MOV10: variants seen among roughly 807,000 people sequenced by gnomAD.
The protein encoded by MOV10 is RNA helicase MOV-10.
Under a neutral mutation model 108.4 loss-of-function variants are expected in MOV10, and 39 were observed. The ratio of observed to expected loss-of-function variants is 0.36; its 90% CI spans 0.28 to 0.47. The LOEUF is 0.47. Ranked by LOEUF, MOV10 falls within the 20% of genes least tolerant of loss-of-function variation. The pLI, the probability that MOV10 is intolerant of heterozygous loss-of-function variation, is 1.00. For missense variants in MOV10, 952 were observed against 1,297.6 expected, an observed-to-expected ratio of 0.73 and a Z score of 4.09; for synonymous variants, 490 against 523.1, an observed-to-expected ratio of 0.94 and a Z score of 0.86.
At chr1:112,685,791 A>T (rs1018212348) in intron 2 of MOV10, among the ~76,000 whole-genome samples, 1 of 152,228 alleles carries the variant, frequency 6.6e-6, no homozygotes, top group Admixed American at 6.5e-5. Flanking sequence ...TAATTTTTGT[A>T]TGACTGTTAC....
At chr1:112,674,607 A>G (rs1468708845), upstream of MOV10, 5 of 249,460 alleles carry the variant, frequency 2.0e-5, no homozygotes, top group Non-Finnish European at 3.8e-5. Flanking sequence ...GATACTGGCT[A>G]GAAGCCAGGG....
At position 112,689,050 on chromosome 1, in the gene MOV10, G is replaced by A. The variant is rs748662950; in HGVS notation, c.253G>A (p.Val85Met). 4.3e-6 allele frequency: 7 copies of A among 1,612,618 alleles called. No homozygotes were observed. Among genetic ancestry groups the A allele is most frequent in the East Asian group, 2.2e-5 (1 of 44,874 alleles). ...CTTCAGACTCGACCGCTGGGCCGACGTGCGGTTCCCAGAAAAGAGGAGAAT... is the reference window on the plus strand; with the variant it reads ...CTTCAGACTCGACCGCTGGGCCGACATGCGGTTCCCAGAAAAGAGGAGAAT... ...RFFRLDRWADVRFPEKRRMKL... is the reference protein window; with the variant it reads ...RFFRLDRWADMRFPEKRRMKL... Residue 85 changes from valine to methionine, a missense_variant, in exon 3 of 21, where the codon GTG becomes ATG. Physicochemically the swap from Val to Met is conservative, Grantham distance 21. This residue lies in a region of MOV10 where 374 missense variants were observed against 468.6 expected (regional missense o/e 0.80). Coordinates refer to ENST00000369645, the MANE Select transcript of MOV10 (RefSeq NM_001321324.2).
chr1:112,699,935 C>T lies in MOV10; in HGVS notation c.2751C>T (p.Ile917=), dbSNP rs1359891596. 2.5e-6 allele frequency: 4 copies of T among 1,614,186 alleles called. No individual in the cohort carries two copies. The highest frequency in any genetic ancestry group is 3.4e-6 in the Non-Finnish European group (4 of 1,180,034). Reference sequence around the variant, plus strand: ...TGACCCGGGCCAAGGCCCTGCTCATCATCGTGGGGAACCCCCTTCTCCTGG... The same window carrying T: ...TGACCCGGGCCAAGGCCCTGCTCATTATCGTGGGGAACCCCCTTCTCCTGG... ...VAVTRAKALL[I]IVGNPLLLGH... The change falls in exon 19 of 21, where the codon ATC becomes ATT. Residue 917 remains isoleucine, a synonymous_variant. Coordinates refer to ENST00000369645, the MANE Select transcript of MOV10 (RefSeq NM_001321324.2).
At position 112,689,397 on chromosome 1, in the gene MOV10, G is replaced by GA; in HGVS notation, c.342-17dup. 1.6e-6 allele frequency: 1 copy of GA among 615,496 alleles called. No homozygotes were observed. Among genetic ancestry groups the GA allele is most frequent in the Non-Finnish European group, 2.9e-6 (1 of 342,266 alleles). The allele number at this position is 615,496 out of a possible 1,614,324, so 38.1% of individuals were successfully genotyped here. A position where few individuals can be genotyped will look rare whatever the true frequency, so the allele number is the denominator to read the frequency against. On this transcript the variant is annotated splice_polypyrimidine_tract_variant and intron_variant, in intron 3 of 20. Transcript: ENST00000369645. ...ACCGCTCCCACCCCAACCCCCCCTT[G>GA]ACTCCCCTTCTCCCCAGGGCTGAGT...
rs751538343 is a variant in MOV10, at chr1:112,695,462, CCAACT to C, written c.1670_1674del (p.Asn557ArgfsTer3). 6.2e-7 allele frequency: 1 copy of C among 1,614,234 alleles called. No homozygotes were observed. Among genetic ancestry groups the C allele is most frequent in the South Asian group, 1.1e-5 (1 of 91,086 alleles). On this transcript the variant is annotated frameshift_variant, in exon 11 of 21. Transcript: ENST00000369645. LOFTEE classifies it high-confidence loss of function. ...GCCCACATCTTGGCCTGCGCTCCAT[CCAACT>C]CAGGGGCTGACCTACTCTGTCAAAG...
rs778316862 is a variant in MOV10 at position 112,694,567 on chromosome 1, G to T, written c.1410G>T (p.Trp470Cys). 6.2e-7 allele frequency: 1 copy of T among 1,613,836 alleles called. No homozygotes were observed. The highest frequency in any genetic ancestry group is 8.5e-7 in the Non-Finnish European group (1 of 1,179,840). ...AGCTGACAGGGCGCTGGCTGCTGTG[G>T]CCCATGCTCTTTCCTGTGGCACCTC... ...ALELTGRWLL[W>C]PMLFPVAPRD... Residue 470 changes from tryptophan to cysteine, a missense_variant, in exon 9 of 21, where the codon TGG becomes TGT. Coordinates refer to ENST00000369645, the MANE Select transcript of MOV10 (RefSeq NM_001321324.2). The surrounding 1 kb of genome is among the most constrained non-coding windows in gnomAD (Gnocchi z 4.1).
chr1:112,686,774 G>A (rs1405750050), intron 2 of MOV10, among the ~76,000 whole-genome samples: 1 of 152,154 alleles, frequency 6.6e-6, no homozygotes, highest in Non-Finnish European at 1.5e-5. Context: ...GGGGATCCTA[G>A]ACTCATCCCT....
In MOV10 at chr1:112,690,584, TC is replaced by T. The variant is rs1330021250; in HGVS notation, c.836+488del. Reference sequence around the variant, plus strand: ...CATGTTGGCCAGGCTGGTCTCGAACTCCTGACCTCAAGTGATCCGCCAGCCT... The same window carrying T: ...CATGTTGGCCAGGCTGGTCTCGAACTCTGACCTCAAGTGATCCGCCAGCCT... On this transcript the variant is annotated intron_variant, in intron 5 of 20. Transcript: ENST00000369645. 3.9e-5 allele frequency among the ~76,000 whole-genome samples: 6 copies of T among 152,248 alleles called. No homozygotes were observed. In the South Asian group the frequency reaches 1.2e-3, roughly 32 times the overall value.
chr1:112,684,984 T>C (rs1672958869), intron 2 of MOV10: 1 of 152,144 alleles, frequency 6.6e-6, no homozygotes, highest in African/African-American at 2.4e-5. Context: ...TATTACCTTT[T>C]GCTAGAGAAA....
At position 112,689,397 on chromosome 1, in the gene MOV10, G is replaced by GAAACCCCAAA; in HGVS notation, c.342-17_342-16insAACCCCAAAA. ...ACCGCTCCCACCCCAACCCCCCCTT[G>GAAACCCCAAA]ACTCCCCTTCTCCCCAGGGCTGAGT... On this transcript the variant is annotated splice_polypyrimidine_tract_variant and intron_variant, in intron 3 of 20. Coordinates refer to ENST00000369645, the MANE Select transcript of MOV10 (RefSeq NM_001321324.2). 1.6e-6 allele frequency: 1 copy of GAAACCCCAAA among 615,498 alleles called. No individual in the cohort carries two copies. The highest frequency in any genetic ancestry group is 2.9e-6 in the Non-Finnish European group (1 of 342,268). The allele number at this position is 615,498 out of a possible 1,614,324, so 38.1% of individuals were successfully genotyped here. A position where few individuals can be genotyped will look rare whatever the true frequency, so the allele number is the denominator to read the frequency against.
At chr1:112,684,261 G>GT (rs1672888390) in intron 2 of MOV10, among the ~76,000 whole-genome samples, 1 of 134,638 alleles carries the variant, frequency 7.4e-6, no homozygotes, top group African/African-American at 2.8e-5. Context: ...CAGTCCCTGG[G>GT]ATTTTTTTTT....
chr1:112,676,323 G>A lies in MOV10; in HGVS notation c.137+1274G>A, dbSNP rs76129493. Reference sequence around the variant, plus strand: ...CTAGGGATGGTAAGAGAAAAATGCTGGAGGAAAGAGCGAGCATTTGCATCA... The same window carrying A: ...CTAGGGATGGTAAGAGAAAAATGCTAGAGGAAAGAGCGAGCATTTGCATCA... On this transcript the variant is annotated intron_variant, in intron 2 of 20. Coordinates refer to ENST00000369645, the MANE Select transcript of MOV10 (RefSeq NM_001321324.2). Among the ~76,000 whole-genome samples the A allele has an allele frequency of 9.6e-3, 1,467 of 152,256 alleles. 22 individuals carry two copies. Among genetic ancestry groups the A allele is most frequent in the African/African-American group, 0.033 (1,373 of 41,534 alleles).
Position 112,696,796 on chromosome 1 carries a change from C to T in MOV10, c.2148C>T (p.Gly716=). 6.2e-7 allele frequency: 1 copy of T among 1,605,858 alleles called. No individual in the cohort carries two copies. The highest frequency in any genetic ancestry group is 8.5e-7 in the Non-Finnish European group (1 of 1,175,768). The change falls in exon 14 of 21, where the codon GGC becomes GGT. Residue 716 remains glycine (G), a synonymous_variant. Coordinates refer to ENST00000369645, the MANE Select transcript of MOV10 (RefSeq NM_001321324.2). ...LLTYNSLYKK[G]PDGYDPQFIT... Reference sequence around the variant, plus strand: ...CCTACAACTCCCTGTACAAGAAGGGCCCTGATGGCTATGACCCCCAGTTCA... The same window carrying T: ...CCTACAACTCCCTGTACAAGAAGGGTCCTGATGGCTATGACCCCCAGTTCA...
At chr1:112,697,704 G>A (rs1300498557) in intron 14 of MOV10, among the ~76,000 whole-genome samples, 4 of 152,112 alleles carry the variant, frequency 2.6e-5, no homozygotes, top group East Asian at 1.9e-4. Flanking sequence ...ATTTGGTTTC[G>A]TACTGTCCTT....
At chr1:112,676,261 C>T (rs1440855095) in intron 2 of MOV10, among the ~76,000 whole-genome samples, 1 of 152,028 alleles carries the variant, frequency 6.6e-6, no homozygotes, top group East Asian at 1.9e-4. Context: ...TACATGTACA[C>T]AATATAGGAT....
chr1:112,684,603 T>A (rs1348194036), intron 2 of MOV10, among the ~76,000 whole-genome samples: 1 of 152,184 alleles, frequency 6.6e-6, no homozygotes, highest in African/African-American at 2.4e-5. Flanking sequence ...GTATTTTAAA[T>A]ATTTGTAGAT....
chr1:112,694,603 G>A lies in MOV10; in HGVS notation c.1446G>A (p.Pro482=), dbSNP rs761581779. The change falls in exon 9 of 21, where the codon CCG becomes CCA. Residue 482 remains proline, a synonymous_variant. Coordinates refer to ENST00000369645, the MANE Select transcript of MOV10 (RefSeq NM_001321324.2). The surrounding 1 kb of genome is among the most constrained non-coding windows in gnomAD (Gnocchi z 4.1). ...TTCCTGTGGCACCTCGGGACGTCCC[G>A]CTGCTGCCCTCAGATGTGAAACTCA... ...MLFPVAPRDV[P]LLPSDVKLKL... is the part of the protein sequence containing the mutation. The A allele has an allele frequency of 2.1e-5, 34 of 1,608,132 alleles. No homozygotes were observed. The highest frequency in any genetic ancestry group is 2.7e-5 in the Non-Finnish European group (32 of 1,176,828).
intron 17 of MOV10, 99 bp downstream of exon 17, chr1:112,698,888 TC>T: frequency 3.0e-6 from 3 of 998,912 alleles, no homozygotes; most frequent in South Asian, 1.3e-5. Context: ...CACGTCCCCG[TC>T]CCACCCCTGC....
chr1:112,688,544 C>T (rs1673277543), intron 2 of MOV10: 1 of 1,115,546 alleles, frequency 9.0e-7, no homozygotes. Flanking sequence ...TTCCCCTTAG[C>T]CTCAGCTCTT....
Sources: gnomAD v4.1 joint callset for allele counts (sites outside exome capture counted in the v4.1 genomes callset) on GRCh38, gnomAD v4.1.1 for gene constraint, gnomAD v4.1.1 regional missense constraint, Gnocchi (gnomAD v3.1) non-coding constraint, MANE v1.5 for transcripts, NCBI Gene and HGNC (gene_info 2026-07-23, HGNC 2026-07-21) for gene names.